The following C9orf85 variants were observed in gnomAD, a reference collection of about 807,000 sequenced individuals.
C9orf85 encodes the protein uncharacterized protein C9orf85.
In C9orf85, 16 loss-of-function variants were observed where a neutral mutation model predicts 14.9. The ratio of observed to expected loss-of-function variants is 1.08; its 90% CI spans 0.73 to 1.63. The LOEUF (loss-of-function observed/expected upper bound fraction) is 1.63, where lower values mean the gene tolerates loss of function less well. Among genes scored for constraint, C9orf85 ranks in the 40% most tolerant of loss-of-function variants. C9orf85 has a pLI of 0.00. For missense variants in C9orf85, 172 were observed against 186.1 expected (o/e 0.92, Z 0.44); for synonymous variants, 45 against 56.8 (o/e 0.79, Z 0.93).
intron 2 of C9orf85, among the ~76,000 whole-genome samples, chr9:71,958,232 T>A (rs1413922310): frequency 4.4e-5 from 6 of 137,652 alleles, no homozygotes; most frequent in Admixed American, 8.2e-5. Flanking sequence ...ATATATATAT[T>A]ATATATATAT....
Position 71,931,524 on chromosome 9 carries a change from G to A in C9orf85, c.103-15482G>A, listed in dbSNP as rs563874220. ...TCAGTCTAAGATTTAGTTTCCAAAAGAAAGGCAGTATGGAATAGTGGGGCA... is the reference window on the plus strand; with the variant it reads ...TCAGTCTAAGATTTAGTTTCCAAAAAAAAGGCAGTATGGAATAGTGGGGCA... On this transcript the variant is annotated intron_variant, in intron 1 of 3. Coordinates refer to ENST00000334731, the MANE Select transcript of C9orf85 (RefSeq NM_182505.5). Among the ~76,000 whole-genome samples the A allele has an allele frequency of 2.6e-5, 4 of 152,306 alleles. No individual in the cohort carries two copies. In the East Asian group the frequency reaches 7.7e-4, roughly 29 times the overall value.
At chr9:71,955,845 C>T (rs564850623) in intron 2 of C9orf85, among the ~76,000 whole-genome samples, 94 of 152,272 alleles carry the variant, frequency 6.2e-4, no homozygotes, top group Non-Finnish European at 1.1e-3. Context: ...ATGCAGTGAT[C>T]AGTACAAAGT....
At chr9:71,963,353 G>T (rs544807549) in intron 2 of C9orf85, among the ~76,000 whole-genome samples, 1 of 152,084 alleles carries the variant, frequency 6.6e-6, no homozygotes, top group African/African-American at 2.4e-5. Context: ...CTTCCAAGAT[G>T]GTGGTGAGAG....
chr9:71,956,574 C>T (rs1436860297), intron 2 of C9orf85, among the ~76,000 whole-genome samples: 1 of 152,048 alleles, frequency 6.6e-6, no homozygotes, highest in Non-Finnish European at 1.5e-5. Flanking sequence ...TTTTATAATA[C>T]AGTTTTAGCG....
At chr9:71,968,995 C>T (rs1822781850) in intron 2 of C9orf85, among the ~76,000 whole-genome samples, 2 of 151,858 alleles carry the variant, frequency 1.3e-5, no homozygotes, top group Admixed American at 6.6e-5. Context: ...CCAGGGGTGA[C>T]TCAGGACGGA....
intron 2 of C9orf85, among the ~76,000 whole-genome samples, chr9:71,955,038 G>A (rs1822348893): frequency 6.6e-6 from 1 of 151,992 alleles, no homozygotes; most frequent in Non-Finnish European, 1.5e-5. Context: ...ATTTTTAAAG[G>A]GAAGAATTTC....
chr9:71,933,096 A>G (rs1281652516), intron 1 of C9orf85, among the ~76,000 whole-genome samples: 4 of 152,210 alleles, frequency 2.6e-5, no homozygotes, highest in Non-Finnish European at 5.9e-5. Context: ...AAAGATTGGG[A>G]AAAAGTGAAC....
At chr9:71,915,193 T>G (rs542713521) in intron 1 of C9orf85, among the ~76,000 whole-genome samples, 52 of 151,440 alleles carry the variant, frequency 3.4e-4, no homozygotes, top group African/African-American at 1.3e-3. Context: ...ATTTTTTTTT[T>G]TTTTTTGAGA....
At chr9:71,949,885 A>G (rs749434437) in intron 2 of C9orf85, among the ~76,000 whole-genome samples, 3 of 152,076 alleles carry the variant, frequency 2.0e-5, no homozygotes, top group Non-Finnish European at 4.4e-5. Context: ...TAGGAAGGGC[A>G]CCTCTCATAT....
At chr9:71,911,970 A>G (rs1356040769) in intron 1 of C9orf85, 134 bp downstream of exon 1, 7 of 769,700 alleles carry the variant, frequency 9.1e-6, no homozygotes, top group Middle Eastern at 2.4e-4. Flanking sequence ...CTGCAGTGCA[A>G]CTCTTTCTAA....
intron 3 of C9orf85, 92 bp from the exon 4 acceptor site, chr9:71,972,600 T>G: frequency 1.1e-6 from 1 of 918,206 alleles, no homozygotes; most frequent in East Asian, 2.8e-5. Flanking sequence ...TTTCTGTTAT[T>G]CAAGAAGTGT....
At chr9:71,919,930 A>G (rs985906973) in intron 1 of C9orf85, among the ~76,000 whole-genome samples, 4 of 151,570 alleles carry the variant, frequency 2.6e-5, no homozygotes, top group East Asian at 3.9e-4. Flanking sequence ...GCTCACTGCA[A>G]TCTCCACCTC....
intron 1 of C9orf85, among the ~76,000 whole-genome samples, chr9:71,932,657 G>T (rs1356816882): frequency 6.6e-6 from 1 of 152,110 alleles, no homozygotes; most frequent in East Asian, 1.9e-4. Context: ...GGAAAGAAGA[G>T]AATCTGACTT....
intron 2 of C9orf85, among the ~76,000 whole-genome samples, chr9:71,969,984 G>A (rs143346773): frequency 1.3e-3 from 191 of 148,544 alleles, no homozygotes; most frequent in African/African-American, 4.1e-3. Flanking sequence ...CACTCTTGTC[G>A]CCCAGGCTGG....
chr9:71,923,931 C>G (rs193249436), intron 1 of C9orf85, among the ~76,000 whole-genome samples: 213 of 152,260 alleles, frequency 1.4e-3, no homozygotes, highest in African/African-American at 4.9e-3. Flanking sequence ...TATTAAAACA[C>G]TCCCTAGATA....
downstream of C9orf85, among the ~76,000 whole-genome samples, chr9:71,976,362 A>T (rs1385964637): frequency 6.6e-6 from 1 of 152,152 alleles, no homozygotes; most frequent in Non-Finnish European, 1.5e-5. Context: ...TTATATGAGG[A>T]GCTTTTAAGA....
downstream of C9orf85, chr9:71,985,601 C>T (rs10869073): frequency 0.3 from 45,463 of 152,168 alleles, 7,046 homozygotes; most frequent in Middle Eastern, 0.36. Flanking sequence ...TTAGCCTTGG[C>T]TGCACATTAA....
At chr9:71,981,554 A>T (rs964361168) in intron 3 of C9orf85, among the ~76,000 whole-genome samples, 1 of 152,198 alleles carries the variant, frequency 6.6e-6, no homozygotes, top group Non-Finnish European at 1.5e-5. Flanking sequence ...TGTATGGAGG[A>T]GCTGGTGATT....
At chr9:71,913,466 T>C (rs141519623) in intron 1 of C9orf85, among the ~76,000 whole-genome samples, 110 of 152,280 alleles carry the variant, frequency 7.2e-4, no homozygotes, top group African/African-American at 2.5e-3. Context: ...CACAGCTCAG[T>C]AAGGGAGAAT....
Sources: gnomAD v4.1 joint callset for allele counts (sites outside exome capture counted in the v4.1 genomes callset) on GRCh38, gnomAD v4.1.1 for gene constraint, MANE v1.5 for transcripts, NCBI Gene and HGNC (gene_info 2026-07-23, HGNC 2026-07-21) for gene names.